FRMD8: variants seen among roughly 807,000 people sequenced by gnomAD.
FRMD8 encodes the protein FERM domain-containing protein 8.
A neutral mutation model predicts 54.2 loss-of-function variants in FRMD8; 37 were observed. That is an observed-to-expected ratio of 0.68 (90% CI 0.53 to 0.90). The LOEUF is 0.90. Among genes scored for constraint, FRMD8 ranks in the 40% least tolerant of loss-of-function variants. FRMD8 has a pLI of 0.00. For synonymous variants in FRMD8, 246 were observed against 286.9 expected, an observed-to-expected ratio of 0.86 and a Z score of 1.44; for missense variants, 585 against 653.7, an observed-to-expected ratio of 0.89 and a Z score of 1.15.
At chr11:65,382,165 A>T (rs567836326), upstream of FRMD8, 2 of 596,810 alleles carry the variant, frequency 3.4e-6, no homozygotes, top group Non-Finnish European at 6.0e-6. The surrounding 1 kb of genome is among the most constrained non-coding windows in gnomAD (Gnocchi z 4.4). Context: ...TGCAGAGTAC[A>T]GTCTCACGGG....
At chr11:65,407,120 G>A (rs915477846) in intron 10 of FRMD8, among the ~76,000 whole-genome samples, 2 of 152,036 alleles carry the variant, frequency 1.3e-5, no homozygotes, top group East Asian at 1.9e-4. Context: ...TGCTGTCATC[G>A]GGAGAAGTTG....
intron 10 of FRMD8, among the ~76,000 whole-genome samples, chr11:65,409,402 C>G (rs570961510): frequency 6.6e-6 from 1 of 152,112 alleles, no homozygotes. Context: ...CAAATTTTTA[C>G]GTGCTTGATC....
chr11:65,399,696 T>G (rs952620751), intron 7 of FRMD8, 40 bp from the exon 8 acceptor site: 10 of 1,607,440 alleles, frequency 6.2e-6, no homozygotes, highest in Non-Finnish European at 8.5e-6. Context: ...CCTCAGCATT[T>G]CTGGTGCTGG....
upstream of FRMD8, among the ~76,000 whole-genome samples, chr11:65,385,615 C>G (rs1042405963): frequency 6.6e-6 from 1 of 152,092 alleles, no homozygotes; most frequent in Non-Finnish European, 1.5e-5. Flanking sequence ...CAGGACATGT[C>G]AGTGACATGG....
intron 7 of FRMD8, 113 bp from the exon 8 acceptor site, chr11:65,399,623 G>A (rs1289229342): frequency 5.4e-5 from 69 of 1,282,034 alleles, no homozygotes; most frequent in Non-Finnish European, 7.0e-5. Context: ...TCCCTGGGGC[G>A]GGTTTCAGTC....
At chr11:65,382,139 C>A (rs983528864), upstream of FRMD8, 3 of 633,158 alleles carry the variant, frequency 4.7e-6, no homozygotes, top group Non-Finnish European at 8.6e-6. The surrounding 1 kb of genome is among the most constrained non-coding windows in gnomAD (Gnocchi z 4.4). Context: ...GTGACCCTGG[C>A]CACCTGGAGG....
chr11:65,401,509 A>C (rs1856080804), intron 9 of FRMD8, among the ~76,000 whole-genome samples: 2 of 145,920 alleles, frequency 1.4e-5, no homozygotes, highest in Admixed American at 6.9e-5. Flanking sequence ...TGGATCCTTC[A>C]TTCCACACCT....
chr11:65,392,986 T>C (rs948973422), intron 3 of FRMD8, among the ~76,000 whole-genome samples: 1 of 151,958 alleles, frequency 6.6e-6, no homozygotes, highest in Non-Finnish European at 1.5e-5. Context: ...AAGGCCAAGG[T>C]GGCAGGAGCA....
At chr11:65,373,140 G>C in the FRMD8 span, among the ~76,000 whole-genome samples, 1 of 152,174 alleles carries the variant, frequency 6.6e-6, no homozygotes, top group Non-Finnish European at 1.5e-5. Context: ...TGTAGTCCCA[G>C]GCAGGAGGAT....
intron 4 of FRMD8, 57 bp downstream of exon 4, chr11:65,393,731 G>A: frequency 7.0e-7 from 1 of 1,429,320 alleles, no homozygotes; most frequent in Non-Finnish European, 9.7e-7. Flanking sequence ...TGCATCTCTG[G>A]CTCCCAGCCC....
rs1369990120 is a variant in FRMD8, at chr11:65,412,345, C to G, written c.*985C>G. The G allele has an allele frequency of 6.6e-6, 1 of 152,356 alleles. No homozygotes were observed. Among genetic ancestry groups the G allele is most frequent in the Admixed American group, 6.5e-5 (1 of 15,288 alleles). 9.4% of individuals were successfully genotyped at this position (152,356 alleles called of 1,614,324 possible). A position where few individuals can be genotyped will look rare whatever the true frequency, so the allele number is the denominator to read the frequency against. The stretch of plus-strand genomic sequence containing the variant: ...CAACGCCAGGAAGTGCCCTGGGTAC[C>G]TCTGCTGTGCGCTCCTTCCCAGGTG... On this transcript the variant is annotated 3_prime_UTR_variant, in exon 11 of 11. Transcript: ENST00000317568.
At chr11:65,379,429 G>T in the FRMD8 span, 1 of 1,613,006 alleles carries the variant, frequency 6.2e-7, no homozygotes, top group African/African-American at 1.3e-5. Flanking sequence ...TAGCTGGGCG[G>T]CTGGGCCCGC....
chr11:65,385,958 G>A (rs373975744), upstream of FRMD8, among the ~76,000 whole-genome samples: 2 of 152,002 alleles, frequency 1.3e-5, no homozygotes, highest in Non-Finnish European at 2.9e-5. Flanking sequence ...CACCTCGCCC[G>A]GCTAATTTTT....
intron 1 of FRMD8, 84 bp downstream of exon 1, chr11:65,386,845 C>T: frequency 3.4e-6 from 2 of 588,276 alleles, no homozygotes; most frequent in East Asian, 3.0e-5. Flanking sequence ...AGGTCGACCC[C>T]CGGTTCTTGA....
Position 65,400,798 on chromosome 11 carries a change from G to A in FRMD8, c.1002G>A (p.Leu334=). Residue 334 remains leucine (L), a synonymous_variant, in exon 9 of 11, where the codon TTG becomes TTA. Transcript: ENST00000317568. This position sits in a 1 kb window ranked among gnomAD's most constrained non-coding sequence, Gnocchi z 4.3. Reference sequence around the variant, plus strand: ...CCCCCGAGGAGGAGGAGCCCATCTTGTGGCTGGAGTTCGACGGGGACAGCG... The same window carrying A: ...CCCCCGAGGAGGAGGAGCCCATCTTATGGCTGGAGTTCGACGGGGACAGCG... The part of the protein sequence containing the change: ...HTSPEEEEPI[L]WLEFDGDSEG... 1 of 1,612,988 alleles carries A rather than the reference G, an allele frequency of 6.2e-7. No individual in the cohort carries two copies. Among genetic ancestry groups the A allele is most frequent in the Non-Finnish European group, 8.5e-7 (1 of 1,179,748 alleles).
intron 7 of FRMD8, among the ~76,000 whole-genome samples, chr11:65,398,116 TC>T (rs1855996301): frequency 6.6e-6 from 1 of 152,118 alleles, no homozygotes; most frequent in African/African-American, 2.4e-5. Flanking sequence ...CCTCAGGTGA[TC>T]CGCCTGCCTC....
Position 65,394,439 on chromosome 11 carries a change from T to G in FRMD8, c.581+14T>G. On this transcript the variant is annotated intron_variant, in intron 6 of 10. Transcript: ENST00000317568. Reference sequence around the variant, plus strand: ...CTGCGACCTGAGGTGAGGGCCTGTGTGACTTGAGGCGGGGGCGCTGGGTGG... The same window carrying G: ...CTGCGACCTGAGGTGAGGGCCTGTGGGACTTGAGGCGGGGGCGCTGGGTGG... The G allele has an allele frequency of 6.4e-7, 1 of 1,560,718 alleles. No homozygotes were observed. Among genetic ancestry groups the G allele is most frequent in the Non-Finnish European group, 8.6e-7 (1 of 1,156,438 alleles).
intron 8 of FRMD8, 65 bp downstream of exon 8, chr11:65,399,924 G>T: frequency 6.4e-7 from 1 of 1,558,764 alleles, no homozygotes; most frequent in Admixed American, 1.8e-5. Flanking sequence ...GGTCTTCCTG[G>T]TTCCTCTGGG....
chr11:65,387,143 T>G, intron 2 of FRMD8, 22 bp downstream of exon 2: 2 of 1,587,374 alleles, frequency 1.3e-6, no homozygotes, highest in South Asian at 2.2e-5. Flanking sequence ...CCGCATCTCC[T>G]CTTCCACACC....
Sources: allele counts gnomAD v4.1 joint callset (sites outside exome capture counted in the v4.1 genomes callset), GRCh38; gene constraint gnomAD v4.1.1; non-coding constraint Gnocchi (gnomAD v3.1); transcripts MANE v1.5; gene names NCBI Gene and HGNC (gene_info 2026-07-23, HGNC 2026-07-21).